Variants in AP3S1 observed in about 807,000 individuals in gnomAD.
AP3S1 encodes adaptor related protein complex 3 subunit sigma 1, also known as AP-3 complex subunit sigma-1.
In AP3S1, 12 loss-of-function variants were observed where a neutral mutation model predicts 21.3. The observed-to-expected ratio is 0.56, with a 90% confidence interval of 0.36 to 0.91. The LOEUF (loss-of-function observed/expected upper bound fraction) is 0.91. Ranked by LOEUF, AP3S1 falls within the 40% of genes least tolerant of loss-of-function variation. The pLI is 0.01. For synonymous variants in AP3S1, 48 were observed against 78.4 expected, an observed-to-expected ratio of 0.61 and a Z score of 2.05; for missense variants, 116 against 225.0, an observed-to-expected ratio of 0.52 and a Z score of 3.10.
At chr5:115,899,055 A>G (rs1049512939) in intron 4 of AP3S1, among the ~76,000 whole-genome samples, 1 of 152,182 alleles carries the variant, frequency 6.6e-6, no homozygotes, top group South Asian at 2.1e-4. Flanking sequence ...ACAGCTGTTA[A>G]TATACTCTAT....
chr5:115,844,048 T>C (rs1181069140), intron 1 of AP3S1, among the ~76,000 whole-genome samples: 2 of 152,202 alleles, frequency 1.3e-5, no homozygotes, highest in African/African-American at 4.8e-5. Flanking sequence ...TATGAGAAGT[T>C]GTTTCTGTGT....
At chr5:115,856,998 C>G (rs1209974385) in intron 1 of AP3S1, among the ~76,000 whole-genome samples, 2 of 152,140 alleles carry the variant, frequency 1.3e-5, no homozygotes, top group Non-Finnish European at 2.9e-5. Flanking sequence ...CCGCTGGTAA[C>G]CACCGCTACT....
chr5:115,879,925 TAA>T (rs1395355345), intron 3 of AP3S1, among the ~76,000 whole-genome samples: 1 of 152,130 alleles, frequency 6.6e-6, no homozygotes, highest in African/African-American at 2.4e-5. Context: ...CTTCCTGGTT[TAA>T]GTCTTGGGAG....
intron 1 of AP3S1, among the ~76,000 whole-genome samples, chr5:115,858,750 C>T (rs1353782130): frequency 6.6e-6 from 1 of 150,712 alleles, no homozygotes; most frequent in African/African-American, 2.4e-5. Flanking sequence ...TTTTAAATTC[C>T]CATGAGCTTC....
At chr5:115,879,700 A>T (rs1292621379) in intron 3 of AP3S1, among the ~76,000 whole-genome samples, 1 of 152,158 alleles carries the variant, frequency 6.6e-6, no homozygotes, top group Non-Finnish European at 1.5e-5. Context: ...GTATCATATC[A>T]GGATGATGAT....
chr5:115,856,246 T>C (rs902900650), intron 1 of AP3S1, among the ~76,000 whole-genome samples: 2 of 152,190 alleles, frequency 1.3e-5, no homozygotes, highest in Non-Finnish European at 1.5e-5. Flanking sequence ...CAGATACTTA[T>C]TTAATTTTAG....
At chr5:115,850,814 G>T (rs866499064) in intron 1 of AP3S1, among the ~76,000 whole-genome samples, 6 of 152,162 alleles carry the variant, frequency 3.9e-5, no homozygotes, top group African/African-American at 1.4e-4. Context: ...AATGAGAACA[G>T]TTGCCTGGGA....
chr5:115,893,264 C>T (rs1338086537), intron 3 of AP3S1, among the ~76,000 whole-genome samples: 3 of 152,120 alleles, frequency 2.0e-5, no homozygotes, highest in Non-Finnish European at 4.4e-5. Context: ...AGTTGAATCA[C>T]TTGATATGTA....
chr5:115,906,976 G>C, intron 5 of AP3S1: 1 of 1,296,802 alleles, frequency 7.7e-7, no homozygotes, highest in Non-Finnish European at 9.8e-7. Context: ...AACCCATATA[G>C]TCCCTGTAGC....
chr5:115,903,768 T>C (rs2112573954), intron 5 of AP3S1: 1 of 152,328 alleles, frequency 6.6e-6, no homozygotes, highest in Admixed American at 6.5e-5. Context: ...TAGCAGGTGC[T>C]GTAGCTGAGC....
In AP3S1 at chr5:115,914,056, A is replaced by G. The variant is rs1752323300; in HGVS notation, c.*566A>G. On this transcript the variant is annotated 3_prime_UTR_variant, in exon 6 of 6. Transcript: ENST00000316788. Reference sequence around the variant, plus strand: ...ACAACCCTCTGACTCAACAAAGTAAATAAAAGTATATTTTATCACTATTAA... The same window carrying G: ...ACAACCCTCTGACTCAACAAAGTAAGTAAAAGTATATTTTATCACTATTAA... 2.0e-5 allele frequency: 1 copy of G among 50,164 alleles called. No homozygotes were observed. The highest frequency in any genetic ancestry group is 4.4e-5 in the Non-Finnish European group (1 of 22,552). 3.1% of individuals were successfully genotyped at this position (50,164 alleles called of 1,614,324 possible). A position where few individuals can be genotyped will look rare whatever the true frequency, so the allele number is the denominator to read the frequency against.
At position 115,896,174 on chromosome 5, in the gene AP3S1, T is replaced by C. The variant is rs550456533; in HGVS notation, c.345+1016T>C. On this transcript the variant is annotated intron_variant, in intron 4 of 5. Coordinates refer to ENST00000316788, the MANE Select transcript of AP3S1 (RefSeq NM_001284.4). ...GTCAACAGTTTTAAGCTTACAAAAC[T>C]AAGTTTCGACTAGTGTGTATAGTAC... Among the ~76,000 whole-genome samples, 4 of 152,352 alleles carry C rather than the reference T, an allele frequency of 2.6e-5. No homozygotes were observed. The South Asian group carries it at 8.3e-4, about 32-fold the overall frequency.
chr5:115,874,057 T>C (rs925451178), intron 3 of AP3S1, among the ~76,000 whole-genome samples: 4 of 152,098 alleles, frequency 2.6e-5, no homozygotes, highest in Non-Finnish European at 5.9e-5. Context: ...ATAAATTCGT[T>C]ATGGAATTTA....
intron 5 of AP3S1, among the ~76,000 whole-genome samples, chr5:115,910,285 AAAG>A (rs1282332979): frequency 2.6e-5 from 4 of 151,678 alleles, no homozygotes; most frequent in Non-Finnish European, 4.4e-5. Flanking sequence ...AAAAAAAAAA[AAAG>A]TTATGTGATT....
intron 3 of AP3S1, among the ~76,000 whole-genome samples, chr5:115,884,985 A>G (rs1035874913): frequency 6.6e-6 from 1 of 152,222 alleles, no homozygotes; most frequent in African/African-American, 2.4e-5. Context: ...AATCATAGCC[A>G]TATAACTTAA....
In AP3S1 at chr5:115,866,690, A is replaced by C; in HGVS notation, c.90A>C (p.Gln30His). Residue 30 changes from glutamine to histidine, a missense_variant, in exon 2 of 6, where the codon CAA becomes CAC. Coordinates refer to ENST00000316788, the MANE Select transcript of AP3S1 (RefSeq NM_001284.4). ...YQPYSEDTQQQIIRETFHLVS... is the reference protein window; with the variant it reads ...YQPYSEDTQQHIIRETFHLVS... The stretch of plus-strand genomic sequence containing the variant: ...CTCAGAGTGAAGATACACAACAGCA[A>C]ATCATCAGGGAGACTTTCCATTTGG... 6.2e-7 allele frequency: 1 copy of C among 1,604,926 alleles called. No individual in the cohort carries two copies. Among genetic ancestry groups the C allele is most frequent in the Non-Finnish European group, 8.5e-7 (1 of 1,173,844 alleles).
intron 4 of AP3S1, among the ~76,000 whole-genome samples, chr5:115,897,605 A>G (rs2112554894): frequency 6.6e-6 from 1 of 151,670 alleles, no homozygotes; most frequent in East Asian, 1.9e-4. Context: ...TCTGTCACCC[A>G]GGCTGGAGTG....
intron 5 of AP3S1, among the ~76,000 whole-genome samples, chr5:115,907,222 C>A (rs148606220): frequency 6.6e-6 from 1 of 152,098 alleles, no homozygotes; most frequent in Non-Finnish European, 1.5e-5. Context: ...TATAGCAGAA[C>A]CAATCTTAAT....
chr5:115,876,567 A>G (rs1291077246), intron 3 of AP3S1, among the ~76,000 whole-genome samples: 4 of 152,188 alleles, frequency 2.6e-5, no homozygotes, highest in African/African-American at 9.6e-5. Flanking sequence ...ACACTACTAT[A>G]TAATCTGTAG....
Sources: allele counts gnomAD v4.1 joint callset (sites outside exome capture counted in the v4.1 genomes callset), GRCh38; gene constraint gnomAD v4.1.1; transcripts MANE v1.5; gene names NCBI Gene and HGNC (gene_info 2026-07-23, HGNC 2026-07-21).